The following ADAMTSL1 variants were observed in gnomAD, a reference collection of about 807,000 sequenced individuals.
The protein encoded by ADAMTSL1 is ADAMTS-like protein 1.
In ADAMTSL1, 126 loss-of-function variants were observed where a neutral mutation model predicts 201.8. The ratio of observed to expected loss-of-function variants is 0.62; its 90% CI spans 0.54 to 0.72. The LOEUF is 0.72. Ranked by LOEUF, ADAMTSL1 falls within the 30% of genes least tolerant of loss-of-function variation. The pLI is 0.00. For missense variants in ADAMTSL1, 2,679 were observed against 2,277.8 expected, an observed-to-expected ratio of 1.18 and a Z score of -3.59; for synonymous variants, 1,121 against 903.4, an observed-to-expected ratio of 1.24 and a Z score of -4.32.
At chr9:18,841,307 G>T (rs1438312009) in intron 23 of ADAMTSL1, among the ~76,000 whole-genome samples, 1 of 151,892 alleles carries the variant, frequency 6.6e-6, no homozygotes, top group Non-Finnish European at 1.5e-5. Flanking sequence ...TGTGGTTTTT[G>T]TCTTTGGTTC....
chr9:18,576,753 G>C (rs1214864539), intron 4 of ADAMTSL1, among the ~76,000 whole-genome samples: 2 of 152,130 alleles, frequency 1.3e-5, no homozygotes, highest in Non-Finnish European at 2.9e-5. Flanking sequence ...AGTAGTAATA[G>C]AGCATCATAC....
chr9:18,825,722 C>G, intron 21 of ADAMTSL1, among the ~76,000 whole-genome samples: 1 of 151,806 alleles, frequency 6.6e-6, no homozygotes, highest in African/African-American at 2.4e-5. Flanking sequence ...GTCACAACCC[C>G]TCCCCATTCA....
chr9:18,254,329 G>C (rs747389741), intron 2 of ADAMTSL1, among the ~76,000 whole-genome samples: 1 of 128,880 alleles, frequency 7.8e-6, no homozygotes, highest in Non-Finnish European at 1.6e-5. Flanking sequence ...TGGAACTACC[G>C]TCAATACTCT....
At chr9:18,130,473 A>G (rs1428343086) in intron 1 of ADAMTSL1, among the ~76,000 whole-genome samples, 3 of 152,142 alleles carry the variant, frequency 2.0e-5, no homozygotes, top group South Asian at 2.1e-4. Context: ...TTATTTATGC[A>G]CATCTGTTAT....
chr9:18,545,973 C>T (rs571517652), intron 3 of ADAMTSL1, among the ~76,000 whole-genome samples: 1 of 152,288 alleles, frequency 6.6e-6, no homozygotes, highest in South Asian at 2.1e-4. Flanking sequence ...GCAGCATGAA[C>T]TTGTAGGTTT....
At chr9:18,312,224 G>A (rs1465360982) in intron 2 of ADAMTSL1, among the ~76,000 whole-genome samples, 5 of 152,140 alleles carry the variant, frequency 3.3e-5, no homozygotes, top group Admixed American at 2.0e-4. Flanking sequence ...ATGGACTCTT[G>A]ACTAGTTTAT....
intron 23 of ADAMTSL1, among the ~76,000 whole-genome samples, chr9:18,881,868 C>G (rs7868732): frequency 0.079 from 11,961 of 152,170 alleles, 895 homozygotes; most frequent in African/African-American, 0.18. Context: ...GCCTGCCCTT[C>G]GAAGCATCTC....
chr9:18,212,101 C>G (rs528093801), intron 2 of ADAMTSL1, among the ~76,000 whole-genome samples: 1 of 152,258 alleles, frequency 6.6e-6, no homozygotes, highest in East Asian at 1.9e-4. Flanking sequence ...AGAAAAAATT[C>G]TGGAACCAAA....
At chr9:18,035,805 G>A (rs1208979704) in intron 1 of ADAMTSL1, among the ~76,000 whole-genome samples, 1 of 152,156 alleles carries the variant, frequency 6.6e-6, no homozygotes, top group African/African-American at 2.4e-5. Context: ...GAATGATGCT[G>A]TAGTAGTAGG....
chr9:18,446,816 C>G (rs2131655050), intron 2 of ADAMTSL1, among the ~76,000 whole-genome samples: 1 of 152,288 alleles, frequency 6.6e-6, no homozygotes, highest in South Asian at 2.1e-4. Flanking sequence ...AGAATTAGGC[C>G]TACCTTGGAC....
chr9:18,886,243 TATAC>T (rs1464875516), intron 23 of ADAMTSL1, among the ~76,000 whole-genome samples: 1 of 145,980 alleles, frequency 6.9e-6, no homozygotes. Flanking sequence ...CATACAAGTA[TATAC>T]ATACATACAC....
intron 26 of ADAMTSL1, among the ~76,000 whole-genome samples, chr9:18,899,038 C>G (rs1040228698): frequency 6.6e-6 from 1 of 152,172 alleles, no homozygotes; most frequent in Non-Finnish European, 1.5e-5. Context: ...GACCCTTTAT[C>G]TACAAAATCC....
chr9:17,943,669 A>G (rs1314087268), intron 1 of ADAMTSL1, among the ~76,000 whole-genome samples: 1 of 152,148 alleles, frequency 6.6e-6, no homozygotes, highest in Admixed American at 6.5e-5. Flanking sequence ...GCCCTTCCTC[A>G]TGACTTCATG....
intron 2 of ADAMTSL1, among the ~76,000 whole-genome samples, chr9:18,243,979 T>G (rs1171032891): frequency 6.6e-6 from 1 of 152,140 alleles, no homozygotes; most frequent in East Asian, 1.9e-4. Flanking sequence ...GTCAAAGGTA[T>G]GCATCCAACC....
At chr9:18,419,815 C>T (rs28454107) in intron 2 of ADAMTSL1, among the ~76,000 whole-genome samples, 4,019 of 151,164 alleles carry the variant, frequency 0.027, 178 homozygotes, top group African/African-American at 0.094. Context: ...CTGCAACCTC[C>T]GCCTCCCAGG....
At chr9:18,145,416 C>A (rs184302248) in intron 1 of ADAMTSL1, among the ~76,000 whole-genome samples, 39 of 152,240 alleles carry the variant, frequency 2.6e-4, no homozygotes, top group Middle Eastern at 3.4e-3. Flanking sequence ...TAGTGCTTTA[C>A]AAACTTGAGG....
At chr9:18,270,800 C>T (rs549977816) in intron 2 of ADAMTSL1, among the ~76,000 whole-genome samples, 1 of 152,122 alleles carries the variant, frequency 6.6e-6, no homozygotes, top group South Asian at 2.1e-4. Context: ...ATGTCTAATT[C>T]GGCCATTAGC....
intron 16 of ADAMTSL1, among the ~76,000 whole-genome samples, chr9:18,756,014 T>TG (rs1294935849): frequency 1.4e-5 from 2 of 140,698 alleles, no homozygotes; most frequent in African/African-American, 5.2e-5. Flanking sequence ...GAGACAGCCC[T>TG]GTTAATGGTT....
intron 2 of ADAMTSL1, among the ~76,000 whole-genome samples, chr9:18,250,628 A>G (rs1419017726): frequency 6.6e-6 from 1 of 151,746 alleles, no homozygotes; most frequent in Admixed American, 6.6e-5. Context: ...TGACCTGGGA[A>G]CACCTGAATC....
Sources: allele counts gnomAD v4.1 joint callset (sites outside exome capture counted in the v4.1 genomes callset), GRCh38; gene constraint gnomAD v4.1.1; transcripts MANE v1.5; gene names NCBI Gene and HGNC (gene_info 2026-07-23, HGNC 2026-07-21).